Variants in CEP128 observed in about 807,000 individuals in gnomAD.
CEP128 encodes the protein centrosomal protein 128.
Under a neutral mutation model 156.7 loss-of-function variants are expected in CEP128, and 132 were observed. The observed-to-expected ratio is 0.84, with a 90% CI of 0.73 to 0.97. The LOEUF is 0.97. CEP128 is among the 50% of genes least tolerant of loss of function. CEP128 has a pLI of 0.00. For missense variants in CEP128, 1,252 were observed against 1,281.9 expected, an observed-to-expected ratio of 0.98 and a Z score of 0.36; for synonymous variants, 469 against 448.9, an observed-to-expected ratio of 1.04 and a Z score of -0.57.
At chr14:80,765,148 G>T (rs992587179) in intron 16 of CEP128, among the ~76,000 whole-genome samples, 2 of 152,178 alleles carry the variant, frequency 1.3e-5, no homozygotes, top group African/African-American at 4.8e-5. Context: ...ACACAGACAG[G>T]CAGGCTCCTA....
chr14:80,796,715 T>C (rs1883506255), intron 13 of CEP128, among the ~76,000 whole-genome samples: 1 of 152,090 alleles, frequency 6.6e-6, no homozygotes, highest in Non-Finnish European at 1.5e-5. Context: ...GGTAGATGAG[T>C]ATTTAGGTAG....
intron 20 of CEP128, among the ~76,000 whole-genome samples, chr14:80,563,834 C>T (rs1890800024): frequency 6.6e-6 from 1 of 151,808 alleles, no homozygotes; most frequent in Admixed American, 6.6e-5. Context: ...TGTGCCCAGC[C>T]CAAGTCTTTT....
chr14:80,917,592 G>A (rs1429125436), intron 2 of CEP128, among the ~76,000 whole-genome samples: 3 of 152,078 alleles, frequency 2.0e-5, no homozygotes, highest in Admixed American at 2.0e-4. Flanking sequence ...GGAGTGCAGT[G>A]GCACGATCTC....
At chr14:80,839,541 T>C (rs945449098) in intron 10 of CEP128, among the ~76,000 whole-genome samples, 6 of 152,064 alleles carry the variant, frequency 3.9e-5, no homozygotes, top group African/African-American at 1.2e-4. Context: ...ATGAGTTATA[T>C]ATATAAAGCT....
intron 21 of CEP128, among the ~76,000 whole-genome samples, chr14:80,558,355 C>A (rs369793438): frequency 5.3e-5 from 8 of 151,968 alleles, no homozygotes; most frequent in African/African-American, 1.7e-4. Context: ...GTGGCATGAT[C>A]TCGGCTCACG....
chr14:80,927,485 A>G (rs1885214750), intron 2 of CEP128, among the ~76,000 whole-genome samples: 1 of 152,178 alleles, frequency 6.6e-6, no homozygotes, highest in Non-Finnish European at 1.5e-5. Flanking sequence ...CCACAAGAGG[A>G]ATGTCCTCCA....
rs775862828 is a variant in CEP128, at chr14:80,793,004, T to G, written c.1316A>C (p.His439Pro). 1.2e-6 allele frequency: 2 copies of G among 1,614,088 alleles called. No individual in the cohort carries two copies. Among genetic ancestry groups the G allele is most frequent in the African/African-American group, 1.3e-5 (1 of 74,956 alleles). Residue 439 changes from histidine (H) to proline (P), a missense_variant, in exon 14 of 25, where the codon CAT (histidine) becomes CCT (proline). Physicochemically the swap from His to Pro is moderately conservative, Grantham distance 77. Transcript: ENST00000555265. ...CAGCTCTGAGATCTGAAGGTCAGCA[T>G]GCTTACGCTCGGCCTCACATGTGTC... ...HFDTCEAERK[H>P]ADLQISELTR...
chr14:80,871,628 A>AT (rs1384252969), intron 8 of CEP128, among the ~76,000 whole-genome samples: 1 of 152,134 alleles, frequency 6.6e-6, no homozygotes, highest in Non-Finnish European at 1.5e-5. Flanking sequence ...AATAAGAATT[A>AT]TTTTAAAGAA....
intron 20 of CEP128, among the ~76,000 whole-genome samples, chr14:80,563,602 C>T (rs1178974652): frequency 7.4e-6 from 1 of 135,284 alleles, no homozygotes; most frequent in Admixed American, 8.3e-5. Flanking sequence ...GGCACAATCT[C>T]GGCTCACTGC....
At chr14:80,729,056 GGGGTGTGTGTGTGTGTGTGTGT>G (rs1298227226) in intron 19 of CEP128, among the ~76,000 whole-genome samples, 2,454 of 88,192 alleles carry the variant, frequency 0.028, 187 homozygotes, top group African/African-American at 0.095. Flanking sequence ...TGGGCTGGTG[GGGGTGTGTGTGTGTGTGTGTGT>G]GTGTGTGTGT....
At chr14:80,548,051 C>T (rs534238188) in intron 21 of CEP128, among the ~76,000 whole-genome samples, 38 of 152,110 alleles carry the variant, frequency 2.5e-4, no homozygotes, top group East Asian at 9.7e-4. Flanking sequence ...CCACCCTCCT[C>T]GGCCTCCCAA....
intron 19 of CEP128, among the ~76,000 whole-genome samples, chr14:80,608,028 C>G (rs559006302): frequency 1.3e-3 from 203 of 152,276 alleles, no homozygotes; most frequent in African/African-American, 4.5e-3. Flanking sequence ...TTTGCTGCAA[C>G]GAGTTCTTCT....
intron 13 of CEP128, among the ~76,000 whole-genome samples, chr14:80,807,362 A>G (rs1884241589): frequency 6.6e-6 from 1 of 152,250 alleles, no homozygotes; most frequent in Non-Finnish European, 1.5e-5. Context: ...TTTGAATTCA[A>G]GATGGCTAAC....
Position 80,726,504 on chromosome 14 carries a change from T to C in CEP128, c.2806+16571A>G, listed in dbSNP as rs562402393. On this transcript the variant is annotated intron_variant, in intron 19 of 24. Transcript: ENST00000555265. ...GTAAATTTTTGTGTAAATTGTCTTT[T>C]ATCTGAATTAACATTTTAAATTCCC... Among the ~76,000 whole-genome samples, 574 of 152,340 alleles carry C rather than the reference T, an allele frequency of 3.8e-3. 6 individuals carry two copies. The highest frequency in any genetic ancestry group is 0.013 in the African/African-American group (561 of 41,584).
chr14:80,641,692 T>C (rs1894414616), intron 19 of CEP128, among the ~76,000 whole-genome samples: 1 of 152,238 alleles, frequency 6.6e-6, no homozygotes, highest in Admixed American at 6.5e-5. Flanking sequence ...CAAAAAAGGA[T>C]TTTTTTCTCC....
chr14:80,586,386 C>T (rs201972247), intron 19 of CEP128, among the ~76,000 whole-genome samples: 5 of 152,106 alleles, frequency 3.3e-5, no homozygotes, highest in East Asian at 3.9e-4. Context: ...GACTGAGTTC[C>T]GAGATCAAAT....
chr14:80,494,244 C>T (rs750007884), downstream of CEP128, among the ~76,000 whole-genome samples: 5 of 152,116 alleles, frequency 3.3e-5, no homozygotes, highest in African/African-American at 1.2e-4. Flanking sequence ...TAGTTTTGAT[C>T]CAAGAAAACC....
At chr14:80,932,422 T>A (rs182948613) in intron 2 of CEP128, among the ~76,000 whole-genome samples, 1 of 152,248 alleles carries the variant, frequency 6.6e-6, no homozygotes, top group Non-Finnish European at 1.5e-5. Flanking sequence ...CTTAAAAGTA[T>A]GTCTGAGACA....
chr14:80,841,798 A>G (rs1253391343), intron 9 of CEP128, among the ~76,000 whole-genome samples: 1 of 152,014 alleles, frequency 6.6e-6, no homozygotes, highest in Non-Finnish European at 1.5e-5. Context: ...TCATATTGAA[A>G]TAATAATACC....
Sources: allele counts gnomAD v4.1 joint callset (sites outside exome capture counted in the v4.1 genomes callset), GRCh38; gene constraint gnomAD v4.1.1; transcripts MANE v1.5; gene names NCBI Gene and HGNC (gene_info 2026-07-23, HGNC 2026-07-21).